The following ZNF521 variants were observed in gnomAD, a reference collection of about 807,000 sequenced individuals.
ZNF521 encodes zinc finger protein 521, also known as LYST-interacting protein 3.
Under a neutral mutation model 105.5 loss-of-function variants are expected in ZNF521, and 14 were observed. That is an observed-to-expected ratio of 0.13 (90% confidence interval 0.09 to 0.21). The LOEUF (loss-of-function observed/expected upper bound fraction) is 0.21. Among genes scored for constraint, ZNF521 ranks in the 10% least tolerant of loss-of-function variants. ZNF521 has a pLI of 1.00. For synonymous variants in ZNF521, 635 were observed against 606.0 expected (o/e 1.05, Z -0.70); for missense variants, 1,233 against 1,629.7 (o/e 0.76, Z 4.19).
chr18:25,119,239 T>C (rs1051855458), intron 5 of ZNF521, among the ~76,000 whole-genome samples: 1 of 152,144 alleles, frequency 6.6e-6, no homozygotes, highest in Non-Finnish European at 1.5e-5. Flanking sequence ...CCTTAGCAAT[T>C]GATAGAACAC....
At chr18:25,144,509 A>C (rs1445232846) in intron 5 of ZNF521, among the ~76,000 whole-genome samples, 1 of 152,202 alleles carries the variant, frequency 6.6e-6, no homozygotes, top group South Asian at 2.1e-4. Flanking sequence ...CTTTATCAAG[A>C]AAAGTAGAAA....
intron 4 of ZNF521, among the ~76,000 whole-genome samples, chr18:25,223,493 A>G (rs932725430): frequency 1.3e-5 from 2 of 152,188 alleles, no homozygotes; most frequent in Admixed American, 6.5e-5. Context: ...ATTTGGATGG[A>G]TCTCCAGATA....
At position 25,339,355 on chromosome 18, in the gene ZNF521, C is replaced by G. The variant is rs79559419; in HGVS notation, c.40+11552G>C. On this transcript the variant is annotated intron_variant, in intron 2 of 7. Coordinates refer to ENST00000361524, the MANE Select transcript of ZNF521 (RefSeq NM_015461.3). The stretch of plus-strand genomic sequence containing the variant: ...ATGACCATGTTCAGTATCTTTCATT[C>G]GAAAACATATGAAACTTCAGGATTT... Among the ~76,000 whole-genome samples the G allele has an allele frequency of 1.1e-3, 165 of 152,276 alleles. 1 individual carries two copies. Among genetic ancestry groups the G allele is most frequent in the African/African-American group, 3.5e-3 (145 of 41,552 alleles).
At chr18:25,130,631 A>G (rs1393890120) in intron 5 of ZNF521, among the ~76,000 whole-genome samples, 1 of 152,196 alleles carries the variant, frequency 6.6e-6, no homozygotes, top group Non-Finnish European at 1.5e-5. Context: ...AAACTGCTTT[A>G]AGAAAGTTTA....
intron 3 of ZNF521, among the ~76,000 whole-genome samples, chr18:25,243,681 G>A (rs543498885): frequency 2.0e-5 from 3 of 152,218 alleles, no homozygotes; most frequent in African/African-American, 7.2e-5. Context: ...TTACTTCAAC[G>A]CAGGACTGAT....
intron 4 of ZNF521, among the ~76,000 whole-genome samples, chr18:25,212,550 T>TATATATATATATACATATATAC (rs1555647934): frequency 4.9e-4 from 54 of 109,164 alleles, no homozygotes; most frequent in African/African-American, 2.0e-3. Context: ...TATATATATA[T>TATATATATATATACATATATAC]ATATATATAT....
intron 5 of ZNF521, among the ~76,000 whole-genome samples, chr18:25,125,214 C>A (rs949688489): frequency 6.6e-6 from 1 of 152,086 alleles, no homozygotes; most frequent in Non-Finnish European, 1.5e-5. Flanking sequence ...TGAATCTTAT[C>A]TAGCCACATG....
intron 5 of ZNF521, among the ~76,000 whole-genome samples, chr18:25,189,573 C>G (rs1568001425): frequency 1.3e-5 from 2 of 152,326 alleles, no homozygotes; most frequent in African/African-American, 4.8e-5. Flanking sequence ...CTATAAGGCA[C>G]CTTGCTGTCA....
At chr18:25,094,691 T>C (rs758743409) in intron 5 of ZNF521, among the ~76,000 whole-genome samples, 5 of 152,144 alleles carry the variant, frequency 3.3e-5, no homozygotes, top group Non-Finnish European at 7.4e-5. Context: ...AAAATATATA[T>C]GAATTGTTAC....
Position 25,325,439 on chromosome 18 carries a change from A to T in ZNF521, c.41-3252T>A, listed in dbSNP as rs182606438. The stretch of plus-strand genomic sequence containing the variant: ...ACCTCTGACTTCAACCTAAGGGGTT[A>T]TAAATACAAGGTCCATGCCTGTAAG... On this transcript the variant is annotated intron_variant, in intron 2 of 7. Coordinates refer to ENST00000361524, the MANE Select transcript of ZNF521 (RefSeq NM_015461.3). Among the ~76,000 whole-genome samples the T allele has an allele frequency of 2.0e-5, 3 of 152,322 alleles. No individual in the cohort carries two copies. In the East Asian group the frequency reaches 5.8e-4, roughly 29 times the overall value.
At chr18:25,094,524 T>C (rs2033812503) in intron 5 of ZNF521, among the ~76,000 whole-genome samples, 1 of 152,096 alleles carries the variant, frequency 6.6e-6, no homozygotes, top group African/African-American at 2.4e-5. Context: ...ACAGCAATGA[T>C]AACAATCACA....
chr18:25,198,478 C>T (rs1403394841), intron 4 of ZNF521, among the ~76,000 whole-genome samples: 4 of 151,544 alleles, frequency 2.6e-5, no homozygotes, highest in African/African-American at 7.3e-5. Flanking sequence ...TTTAGTCTTA[C>T]CAAATTTTAA....
intron 4 of ZNF521, among the ~76,000 whole-genome samples, chr18:25,209,183 G>A (rs1279281413): frequency 1.3e-5 from 2 of 151,698 alleles, no homozygotes; most frequent in Non-Finnish European, 2.9e-5. Context: ...CCAGGCTGGA[G>A]TGCAGTGGCG....
At chr18:25,105,451 C>T (rs1238330355) in intron 5 of ZNF521, among the ~76,000 whole-genome samples, 1 of 152,056 alleles carries the variant, frequency 6.6e-6, no homozygotes, top group Admixed American at 6.6e-5. Flanking sequence ...ATGGGCATGT[C>T]GAAGGCCCCA....
intron 5 of ZNF521, among the ~76,000 whole-genome samples, chr18:25,165,767 T>C (rs1373128178): frequency 6.6e-6 from 1 of 152,200 alleles, no homozygotes; most frequent in East Asian, 1.9e-4. Flanking sequence ...CTGTAGAAAA[T>C]TCCTGAGTGC....
chr18:25,136,794 C>T (rs1431542262), intron 5 of ZNF521: 1 of 152,190 alleles, frequency 6.6e-6, no homozygotes, highest in African/African-American at 2.4e-5. Context: ...GAAATATTCT[C>T]CGCCCCAAAA....
chr18:25,342,302 G>A (rs1322216194), intron 2 of ZNF521, among the ~76,000 whole-genome samples: 1 of 152,020 alleles, frequency 6.6e-6, no homozygotes, highest in Non-Finnish European at 1.5e-5. Flanking sequence ...AGGAACTTCA[G>A]ACTCCATACA....
chr18:25,195,373 C>T, intron 4 of ZNF521, 129 bp from the exon 5 acceptor site: 1 of 672,834 alleles, frequency 1.5e-6, no homozygotes, highest in Non-Finnish European at 2.4e-6. Flanking sequence ...CTACAGGGCC[C>T]CTTGGCCCAA....
At chr18:25,273,526 G>C (rs952731761) in intron 3 of ZNF521, 2 of 152,130 alleles carry the variant, frequency 1.3e-5, no homozygotes, top group African/African-American at 4.8e-5. Flanking sequence ...GTTGAAACCC[G>C]AGCTTCATTA....
Sources: gnomAD v4.1 joint callset for allele counts (sites outside exome capture counted in the v4.1 genomes callset) on GRCh38, gnomAD v4.1.1 for gene constraint, MANE v1.5 for transcripts, NCBI Gene and HGNC (gene_info 2026-07-23, HGNC 2026-07-21) for gene names.